The following MPP7 variants were observed in gnomAD, a reference collection of about 807,000 sequenced individuals.
MPP7 encodes the protein MAGUK p55 subfamily member 7.
Under a neutral mutation model 76.5 loss-of-function variants are expected in MPP7, and 60 were observed. The observed-to-expected ratio is 0.78, with a 90% CI of 0.64 to 0.97. The LOEUF (loss-of-function observed/expected upper bound fraction) is 0.97. MPP7 is among the 50% of genes least tolerant of loss of function. The pLI is 0.00. For missense variants in MPP7, 641 were observed against 694.0 expected (o/e 0.92, Z 0.86); for synonymous variants, 237 against 244.5 (o/e 0.97, Z 0.29).
chr10:28,297,992 G>A (rs1841073650), intron 1 of MPP7, among the ~76,000 whole-genome samples: 1 of 152,182 alleles, frequency 6.6e-6, no homozygotes, highest in African/African-American at 2.4e-5. Flanking sequence ...TAATAAGATT[G>A]CAGCAATTCA....
intron 12 of MPP7, among the ~76,000 whole-genome samples, chr10:28,084,295 A>G (rs1001488829): frequency 6.6e-6 from 1 of 152,222 alleles, no homozygotes; most frequent in African/African-American, 2.4e-5. Context: ...TCACTAACCA[A>G]AGAAGGCAAT....
At chr10:28,218,816 C>T (rs1054562776) in intron 2 of MPP7, among the ~76,000 whole-genome samples, 2 of 151,920 alleles carry the variant, frequency 1.3e-5, no homozygotes, top group African/African-American at 2.4e-5. Context: ...TAACTTACAC[C>T]AACAGATACT....
chr10:28,322,066 G>A (rs113209505), intron 2 of MPP7, among the ~76,000 whole-genome samples: 2 of 150,920 alleles, frequency 1.3e-5, no homozygotes, highest in African/African-American at 2.5e-5. Flanking sequence ...GATGCATTTT[G>A]TGCCACTTCA....
rs188703540 is a variant in MPP7 at position 28,218,013 on chromosome 10, T to C, written c.38-15742A>G. Among the ~76,000 whole-genome samples the C allele has an allele frequency of 1.7e-3, 264 of 152,342 alleles. 1 individual carries two copies. Among genetic ancestry groups the C allele is most frequent in the African/African-American group, 5.8e-3 (240 of 41,576 alleles). ...TAACACATATTGGGTTGATGATTCA[T>C]AGCTCCTCATGGAGACTTTACGCCT... is the stretch of plus-strand genomic sequence containing the variant. On this transcript the variant is annotated intron_variant, in intron 2 of 16. Coordinates refer to ENST00000683449, the MANE Select transcript of MPP7 (RefSeq NM_001318170.2).
At chr10:28,236,566 G>C (rs1273274226) in intron 2 of MPP7, 1 of 151,108 alleles carries the variant, frequency 6.6e-6, no homozygotes, top group African/African-American at 2.4e-5. Flanking sequence ...CTTATCAAAC[G>C]GAGAAAAAAA....
chr10:28,170,293 G>A (rs959537598), intron 3 of MPP7, among the ~76,000 whole-genome samples: 3 of 151,812 alleles, frequency 2.0e-5, no homozygotes, highest in Non-Finnish European at 2.9e-5. Context: ...AAAGCATGTA[G>A]TCATTATCCC....
At chr10:28,248,751 G>A (rs1839518632) in intron 1 of MPP7, among the ~76,000 whole-genome samples, 1 of 152,138 alleles carries the variant, frequency 6.6e-6, no homozygotes, top group Non-Finnish European at 1.5e-5. Flanking sequence ...ACTTACCACT[G>A]TGTTCCAATT....
At chr10:28,060,445 T>C (rs1851736279) in intron 13 of MPP7, among the ~76,000 whole-genome samples, 1 of 152,210 alleles carries the variant, frequency 6.6e-6, no homozygotes, top group Non-Finnish European at 1.5e-5. Context: ...AGGCCATCCT[T>C]CCTGCAGATC....
intron 1 of MPP7, among the ~76,000 whole-genome samples, chr10:28,251,673 A>C (rs920785534): frequency 2.0e-5 from 3 of 152,162 alleles, no homozygotes; most frequent in African/African-American, 4.8e-5. Context: ...CTTCACTCAC[A>C]ATATCAACAC....
intron 5 of MPP7, among the ~76,000 whole-genome samples, chr10:28,146,033 G>A (rs527940543): frequency 6.6e-6 from 1 of 151,976 alleles, no homozygotes; most frequent in Admixed American, 6.6e-5. Flanking sequence ...TAATACCCTT[G>A]AACCAAAACA....
At chr10:28,266,180 G>A (rs1054034822) in intron 1 of MPP7, among the ~76,000 whole-genome samples, 2 of 152,010 alleles carry the variant, frequency 1.3e-5, no homozygotes, top group Admixed American at 6.6e-5. Flanking sequence ...GGCTGGTCTC[G>A]AACTCCTGAC....
At chr10:28,118,351 G>A in intron 11 of MPP7, 1 of 975,612 alleles carries the variant, frequency 1.0e-6, no homozygotes, top group South Asian at 4.7e-5. Flanking sequence ...ATATCAAACT[G>A]TACATTTCTA....
At chr10:28,328,416 TAA>T (rs1834439708) in intron 2 of MPP7, among the ~76,000 whole-genome samples, 1 of 152,158 alleles carries the variant, frequency 6.6e-6, no homozygotes, top group African/African-American at 2.4e-5. Context: ...TAGTAGAGTT[TAA>T]GTTTATAAGC....
rs75677100 is a variant in MPP7, at chr10:28,299,260, C to T, written c.-132+3601G>A. Among the ~76,000 whole-genome samples the T allele has an allele frequency of 8.8e-4, 134 of 152,208 alleles. 2 individuals are homozygous for T. In the East Asian group the frequency reaches 0.012, roughly 13 times the overall value. On this transcript the variant is annotated intron_variant, in intron 1 of 16. Transcript: ENST00000683449. ...GCTTTTTGATTTAAAGTGGGAGACA[C>T]GCGACTCTCCATTCACTTGAATACT...
Position 28,087,569 on chromosome 10 carries a change from TAC to T in MPP7, c.1123+2100_1123+2101del, listed in dbSNP as rs1853079524. 4.6e-5 allele frequency among the ~76,000 whole-genome samples: 7 copies of T among 152,250 alleles called. No individual in the cohort carries two copies. The South Asian group carries it at 1.5e-3, about 32-fold the overall frequency. On this transcript the variant is annotated intron_variant, in intron 12 of 16. Transcript: ENST00000683449. ...TGCCACTACACCTGACTAATTTTTATACTATTAGTAGAGACAGGGTCTTGCCA... is the reference window on the plus strand; with the variant it reads ...TGCCACTACACCTGACTAATTTTTATTATTAGTAGAGACAGGGTCTTGCCA...
At chr10:28,223,535 GTTC>G (rs1391489595) in intron 2 of MPP7, among the ~76,000 whole-genome samples, 1 of 152,150 alleles carries the variant, frequency 6.6e-6, no homozygotes, top group Non-Finnish European at 1.5e-5. Flanking sequence ...GTTTGTCAGA[GTTC>G]TTCTAACTAA....
intron 2 of MPP7, among the ~76,000 whole-genome samples, chr10:28,216,221 AAAG>A (rs1838305069): frequency 1.3e-5 from 2 of 152,080 alleles, no homozygotes; most frequent in Non-Finnish European, 1.5e-5. Context: ...CTAAAAAAAA[AAAG>A]GAGGATTGCC....
At chr10:28,262,271 ATATATATT>A (rs1840012666) in intron 1 of MPP7, among the ~76,000 whole-genome samples, 1 of 59,774 alleles carries the variant, frequency 1.7e-5, no homozygotes, top group African/African-American at 8.4e-5. Context: ...ATATATATAT[ATATATATT>A]TTTTTTTTTT....
intron 2 of MPP7, among the ~76,000 whole-genome samples, chr10:28,237,114 C>G (rs1839103328): frequency 6.6e-6 from 1 of 152,142 alleles, no homozygotes; most frequent in African/African-American, 2.4e-5. Flanking sequence ...TATAAATACT[C>G]CATTTTAATC....
Sources: allele counts gnomAD v4.1 joint callset (sites outside exome capture counted in the v4.1 genomes callset), GRCh38; gene constraint gnomAD v4.1.1; transcripts MANE v1.5; gene names NCBI Gene and HGNC (gene_info 2026-07-23, HGNC 2026-07-21).